CNTNAP2: variants seen among roughly 807,000 people sequenced by gnomAD.
The protein encoded by CNTNAP2 is contactin associated protein 2.
In CNTNAP2, 98 loss-of-function variants were observed where a neutral mutation model predicts 155.2. The observed-to-expected ratio is 0.63, with a 90% CI of 0.54 to 0.75. The LOEUF (loss-of-function observed/expected upper bound fraction) is 0.75, where lower values mean the gene tolerates loss of function less well. Ranked by LOEUF, CNTNAP2 falls within the 30% of genes least tolerant of loss-of-function variation. CNTNAP2 has a pLI of 0.00. For missense variants in CNTNAP2, 1,727 were observed against 1,688.1 expected (o/e 1.02, Z -0.40); for synonymous variants, 651 against 631.2 (o/e 1.03, Z -0.47).
intron 17 of CNTNAP2, among the ~76,000 whole-genome samples, chr7:148,159,909 T>C (rs933314761): frequency 6.6e-6 from 1 of 151,954 alleles, no homozygotes; most frequent in African/African-American, 2.4e-5. Flanking sequence ...CTTATGACAT[T>C]TTTTTTTAAA....
intron 1 of CNTNAP2, among the ~76,000 whole-genome samples, chr7:146,228,174 G>A (rs545355462): frequency 4.7e-4 from 71 of 152,270 alleles, no homozygotes; most frequent in East Asian, 3.5e-3. Context: ...ATATCCAAGC[G>A]ATATTTGGGG....
intron 1 of CNTNAP2, among the ~76,000 whole-genome samples, chr7:146,310,549 G>T (rs1800801850): frequency 6.6e-6 from 1 of 150,734 alleles, no homozygotes; most frequent in South Asian, 2.1e-4. Context: ...TGTCTTCTTT[G>T]GCTATTTTGA....
intron 10 of CNTNAP2, among the ~76,000 whole-genome samples, chr7:147,469,544 A>C (rs1477333352): frequency 1.9e-5 from 1 of 51,644 alleles, no homozygotes; most frequent in African/African-American, 7.0e-5. Context: ...TGTGAGACAA[A>C]GTCTCGCTCT....
chr7:147,474,406 C>A (rs978175028), intron 10 of CNTNAP2, among the ~76,000 whole-genome samples: 1 of 152,036 alleles, frequency 6.6e-6, no homozygotes, highest in Non-Finnish European at 1.5e-5. Context: ...ACCAGCCTGG[C>A]CAACATGGTG....
intron 12 of CNTNAP2, among the ~76,000 whole-genome samples, chr7:147,604,358 A>G (rs530989568): frequency 3.9e-5 from 6 of 152,256 alleles, no homozygotes; most frequent in Admixed American, 3.9e-4. Flanking sequence ...ATCTACAAAG[A>G]ACTCAAACAA....
chr7:148,312,635 A>C (rs1353960613), intron 21 of CNTNAP2, among the ~76,000 whole-genome samples: 3 of 152,208 alleles, frequency 2.0e-5, no homozygotes. Context: ...AATTTGGTTG[A>C]TAAGGCGCAG....
Position 147,928,937 on chromosome 7 carries a change from A to G in CNTNAP2, c.2255+25216A>G, listed in dbSNP as rs1024876804. On this transcript the variant is annotated intron_variant, in intron 14 of 23. Coordinates refer to ENST00000361727, the MANE Select transcript of CNTNAP2 (RefSeq NM_014141.6). The stretch of plus-strand genomic sequence containing the variant: ...GAAACCCCGTCTCTACTAAAAAAAT[A>G]CAAAATTAGCTGGGTGTGGTGGCAC... 5.3e-5 allele frequency among the ~76,000 whole-genome samples: 8 copies of G among 151,822 alleles called. No homozygotes were observed. The East Asian group carries it at 9.7e-4, about 18-fold the overall frequency.
intron 4 of CNTNAP2, among the ~76,000 whole-genome samples, chr7:147,051,577 G>A (rs973412861): frequency 6.6e-6 from 1 of 152,114 alleles, no homozygotes; most frequent in Non-Finnish European, 1.5e-5. Context: ...GGGTAAAGGA[G>A]CATTCAAGAC....
At chr7:146,905,552 T>A (rs1021696621) in intron 3 of CNTNAP2, among the ~76,000 whole-genome samples, 1 of 152,160 alleles carries the variant, frequency 6.6e-6, no homozygotes, top group South Asian at 2.1e-4. Flanking sequence ...GTATAGAATT[T>A]AGAAAATATT....
intron 13 of CNTNAP2, among the ~76,000 whole-genome samples, chr7:147,720,452 G>C (rs1796547802): frequency 6.6e-6 from 1 of 152,112 alleles, no homozygotes; most frequent in Admixed American, 6.6e-5. Flanking sequence ...AGGACATTTT[G>C]ATTCATGGAT....
intron 1 of CNTNAP2, among the ~76,000 whole-genome samples, chr7:146,404,458 A>C (rs1795762091): frequency 6.6e-6 from 1 of 152,130 alleles, no homozygotes; most frequent in African/African-American, 2.4e-5. Context: ...CCCCAGTTCA[A>C]GCTTAGTTTC....
At chr7:147,662,190 A>T (rs1241389355) in intron 13 of CNTNAP2, among the ~76,000 whole-genome samples, 1 of 152,214 alleles carries the variant, frequency 6.6e-6, no homozygotes, top group African/African-American at 2.4e-5. Flanking sequence ...TAGATGCAAC[A>T]TTACACACTT....
chr7:146,149,879 GA>G (rs377385260), intron 1 of CNTNAP2, among the ~76,000 whole-genome samples: 1,084 of 59,580 alleles, frequency 0.018, 7 homozygotes, highest in East Asian at 0.068. Context: ...TAGCCACAAA[GA>G]AAAAAAAAAA....
chr7:146,680,003 A>G (rs68174848), intron 1 of CNTNAP2, among the ~76,000 whole-genome samples: 16,559 of 152,190 alleles, frequency 0.11, 1,478 homozygotes, highest in African/African-American at 0.24. Context: ...TTATATTTTC[A>G]TTTAAAAATA....
intron 1 of CNTNAP2, among the ~76,000 whole-genome samples, chr7:146,621,344 T>C (rs1398232626): frequency 2.0e-5 from 3 of 152,226 alleles, no homozygotes; most frequent in African/African-American, 4.8e-5. Flanking sequence ...CCAATATGCA[T>C]ATATTAAGCC....
intron 1 of CNTNAP2, among the ~76,000 whole-genome samples, chr7:146,337,468 T>C (rs1192578008): frequency 6.6e-6 from 1 of 152,198 alleles, no homozygotes; most frequent in African/African-American, 2.4e-5. Flanking sequence ...TTTTATTTTT[T>C]ACTTTTTAGA....
intron 1 of CNTNAP2, among the ~76,000 whole-genome samples, chr7:146,210,211 A>T (rs984666073): frequency 6.6e-6 from 1 of 152,150 alleles, no homozygotes; most frequent in African/African-American, 2.4e-5. Context: ...CTCATTCTGC[A>T]GCCTTTGTTT....
chr7:147,662,214 C>T (rs1795623556), intron 13 of CNTNAP2, among the ~76,000 whole-genome samples: 1 of 152,292 alleles, frequency 6.6e-6, no homozygotes, highest in Non-Finnish European at 1.5e-5. Context: ...CCAGTAAGTA[C>T]CCTCTCCACC....
chr7:147,457,559 G>GTTT (rs140417992), intron 10 of CNTNAP2, among the ~76,000 whole-genome samples: 59,064 of 150,082 alleles, frequency 0.39, 11,733 homozygotes, highest in South Asian at 0.48. Context: ...AGATATGAGA[G>GTTT]GTTTTTTTTC....
Sources: gnomAD v4.1 joint callset for allele counts (sites outside exome capture counted in the v4.1 genomes callset) on GRCh38, gnomAD v4.1.1 for gene constraint, MANE v1.5 for transcripts, NCBI Gene and HGNC (gene_info 2026-07-23, HGNC 2026-07-21) for gene names.